Variants in SMAD3 observed in about 807,000 individuals in gnomAD.
SMAD3 encodes SMAD family member 3, also known as MAD homolog 3.
Under a neutral mutation model 51.8 loss-of-function variants are expected in SMAD3, and 12 were observed. The ratio of observed to expected loss-of-function variants is 0.23; its 90% confidence interval spans 0.15 to 0.38. The LOEUF is 0.38. SMAD3 is among the 10% of genes least tolerant of loss of function. SMAD3 has a pLI of 1.00. For synonymous variants in SMAD3, 238 were observed against 227.7 expected, an observed-to-expected ratio of 1.05 and a Z score of -0.41; for missense variants, 294 against 565.6, an observed-to-expected ratio of 0.52 and a Z score of 4.87.
chr15:67,096,149 T>C (rs758200980), intron 1 of SMAD3, among the ~76,000 whole-genome samples: 24 of 152,216 alleles, frequency 1.6e-4, no homozygotes, highest in Non-Finnish European at 2.2e-4. Context: ...CCCCATCATA[T>C]CCTTTATTAC....
Position 67,194,073 on chromosome 15 carries a change from A to T in SMAD3, c.*3537A>T. 1 of 233,392 alleles carries T rather than the reference A, an allele frequency of 4.3e-6. No individual in the cohort carries two copies. Among genetic ancestry groups the T allele is most frequent in the Non-Finnish European group, 8.5e-6 (1 of 118,016 alleles). The allele number at this position is 233,392 out of a possible 1,614,324, so 14.5% of individuals were successfully genotyped here. On this transcript the variant is annotated 3_prime_UTR_variant, in exon 9 of 9. Transcript: ENST00000327367. The stretch of plus-strand genomic sequence containing the variant: ...ACTGTTCACCAAGGGGGATACCAGC[A>T]GCAAGAGAGTGCACCCGTTTAGCCC...
In SMAD3 at chr15:67,170,559, C is replaced by G; in HGVS notation, c.613C>G (p.Pro205Ala). ...CAACTTGTCTCACCTCGCAGGTTCT[C>G]CAAACCTATCCCCGAATCCGATGTC... ...QMNHSMDAGS[P>A]NLSPNPMSPA... is the part of the protein sequence containing the mutation. Residue 205 changes from proline (P) to alanine (A), a missense_variant, in exon 5 of 9, where the codon CCA becomes GCA. Around this residue, in one of 3 missense-constraint regions of SMAD3, gnomAD observed 29 missense variants for 26.7 expected, o/e 1.09. Coordinates refer to ENST00000327367, the MANE Select transcript of SMAD3 (RefSeq NM_005902.4). The G allele has an allele frequency of 6.2e-7, 1 of 1,613,926 alleles. No individual in the cohort carries two copies. Among genetic ancestry groups the G allele is most frequent in the Non-Finnish European group, 8.5e-7 (1 of 1,179,800 alleles).
At chr15:67,066,408 C>G in intron 1 of SMAD3, 48 bp downstream of exon 1, 1 of 1,530,542 alleles carries the variant, frequency 6.5e-7, no homozygotes, top group Non-Finnish European at 9.0e-7. Flanking sequence ...GCCCAGCCCC[C>G]TGGCACTGCG....
intron 1 of SMAD3, among the ~76,000 whole-genome samples, chr15:67,154,178 A>G (rs1327308933): frequency 2.0e-5 from 3 of 152,142 alleles, no homozygotes; most frequent in Non-Finnish European, 4.4e-5. Flanking sequence ...TAATGGGAAG[A>G]AGTGAAGAAG....
At chr15:67,187,025 G>T (rs979598658) in intron 7 of SMAD3, 6 of 493,034 alleles carry the variant, frequency 1.2e-5, no homozygotes, top group Non-Finnish European at 2.0e-5. Flanking sequence ...CCAAGGAAAG[G>T]CCCCCCTCTC....
In SMAD3 at chr15:67,065,944, G is replaced by A. The variant is rs1959902515; in HGVS notation, c.-211G>A. 4.8e-6 allele frequency: 1 copy of A among 210,422 alleles called. No homozygotes were observed. The highest frequency in any genetic ancestry group is 9.5e-6 in the Non-Finnish European group (1 of 105,054). The allele number at this position is 210,422 out of a possible 1,614,324, so 13.0% of individuals were successfully genotyped here. A position where few individuals can be genotyped will look rare whatever the true frequency, so the allele number is the denominator to read the frequency against. On this transcript the variant is annotated 5_prime_UTR_variant, in exon 1 of 9. Coordinates refer to ENST00000327367, the MANE Select transcript of SMAD3 (RefSeq NM_005902.4). ...GCCCGGCCGCTCTTCTCTTCGCCGT[G>A]GGAGCCGCTCCGGGCGCAGGGCCGC...
intron 1 of SMAD3, among the ~76,000 whole-genome samples, chr15:67,097,543 C>T (rs759975752): frequency 1.3e-5 from 2 of 152,088 alleles, no homozygotes; most frequent in African/African-American, 2.4e-5. Context: ...CTGCGCCCGG[C>T]CTTATCTCCA....
At position 67,184,812 on chromosome 15, in the gene SMAD3, C is replaced by T. The variant is rs1963178399; in HGVS notation, c.957C>T (p.Asn319=). ...GCGCTATTTTTGTCCAGTCTCCCAA[C>T]TGTAACCAGCGCTATGGCTGGCACC... ...SDSAIFVQSP[N]CNQRYGWHPA... is the part of the protein sequence containing the mutation. Residue 319 remains asparagine (N), a synonymous_variant, in exon 7 of 9, where the codon AAC becomes AAT. Transcript: ENST00000327367. 1 of 1,613,654 alleles carries T rather than the reference C, an allele frequency of 6.2e-7. No individual in the cohort carries two copies. The highest frequency in any genetic ancestry group is 1.3e-5 in the African/African-American group (1 of 74,934).
At chr15:67,085,185 A>C (rs1164526987) in intron 1 of SMAD3, among the ~76,000 whole-genome samples, 1 of 152,186 alleles carries the variant, frequency 6.6e-6, no homozygotes, top group Non-Finnish European at 1.5e-5. Flanking sequence ...ACGGCTCAGT[A>C]AACAACTGAC....
At chr15:67,105,586 A>G (rs958521292) in intron 1 of SMAD3, among the ~76,000 whole-genome samples, 1 of 152,190 alleles carries the variant, frequency 6.6e-6, no homozygotes, top group South Asian at 2.1e-4. Context: ...GCTACTGTAT[A>G]TACCAGTGAT....
At chr15:67,074,400 A>G (rs1960122608) in intron 1 of SMAD3, among the ~76,000 whole-genome samples, 2 of 152,252 alleles carry the variant, frequency 1.3e-5, no homozygotes. Flanking sequence ...ATGTTTGCTC[A>G]TATGTCAAAG....
intron 1 of SMAD3, among the ~76,000 whole-genome samples, chr15:67,115,026 C>G (rs2140237995): frequency 6.6e-6 from 1 of 152,316 alleles, no homozygotes; most frequent in East Asian, 1.9e-4. Context: ...TTGACCCTAT[C>G]TTACCCATAT....
intron 1 of SMAD3, among the ~76,000 whole-genome samples, chr15:67,112,141 T>C (rs1961028322): frequency 1.1e-5 from 1 of 87,330 alleles, no homozygotes; most frequent in African/African-American, 4.4e-5. Context: ...AGCCATTTCT[T>C]TTTTTTTCTT....
In SMAD3 at chr15:67,187,417, G is replaced by A. The variant is rs1567003470; in HGVS notation, c.1062G>A (p.Gln354=). The change falls in exon 8 of 9, where the codon CAG becomes CAA. Residue 354 remains glutamine (Q), a synonymous_variant. Coordinates refer to ENST00000327367, the MANE Select transcript of SMAD3 (RefSeq NM_005902.4). ...NNQEFAALLA[Q]SVNQGFEAVY... is the part of the protein sequence containing the mutation. ...AGGAGTTCGCTGCCCTCCTGGCCCA[G>A]TCGGTCAACCAGGGCTTTGAGGCTG... 1.2e-6 allele frequency: 2 copies of A among 1,614,202 alleles called. No individual in the cohort carries two copies. Among genetic ancestry groups the A allele is most frequent in the East Asian group, 2.2e-5 (1 of 44,884 alleles).
chr15:67,108,338 G>A (rs574746456), intron 1 of SMAD3, among the ~76,000 whole-genome samples: 2 of 152,252 alleles, frequency 1.3e-5, no homozygotes, highest in South Asian at 4.1e-4. Flanking sequence ...AAAAGGTTGA[G>A]AATCCCCACT....
intron 5 of SMAD3, among the ~76,000 whole-genome samples, chr15:67,171,703 G>A (rs1393646753): frequency 1.3e-5 from 2 of 152,166 alleles, no homozygotes. Context: ...AAACCCTTTA[G>A]AACAGGCTGA....
intron 1 of SMAD3, among the ~76,000 whole-genome samples, chr15:67,121,795 TG>T (rs1304505225): frequency 2.0e-5 from 3 of 152,192 alleles, no homozygotes; most frequent in Non-Finnish European, 4.4e-5. Flanking sequence ...AAATCTCTAC[TG>T]ATAGGACCTC....
At chr15:67,135,017 G>T (rs967266877) in intron 1 of SMAD3, among the ~76,000 whole-genome samples, 19 of 152,190 alleles carry the variant, frequency 1.2e-4, no homozygotes, top group African/African-American at 4.6e-4. Context: ...AGGGGGTCCT[G>T]TGCTGGGAGA....
At chr15:67,154,535 A>G (rs7181794) in intron 1 of SMAD3, among the ~76,000 whole-genome samples, 8,393 of 152,320 alleles carry the variant, frequency 0.055, 308 homozygotes, top group Admixed American at 0.095. Context: ...GAACCTGGCC[A>G]ACCACATACT....
Sources: gnomAD v4.1 joint callset for allele counts (sites outside exome capture counted in the v4.1 genomes callset) on GRCh38, gnomAD v4.1.1 for gene constraint, gnomAD v4.1.1 regional missense constraint, MANE v1.5 for transcripts, NCBI Gene and HGNC (gene_info 2026-07-23, HGNC 2026-07-21) for gene names.